The following DMD variants were observed in gnomAD, a reference collection of about 807,000 sequenced individuals.
DMD encodes the protein dystrophin, also known as mutant dystrophin.
In DMD, 63 loss-of-function variants were observed where a neutral mutation model predicts 330.1. The ratio of observed to expected loss-of-function variants is 0.19; its 90% CI spans 0.16 to 0.24. The LOEUF (loss-of-function observed/expected upper bound fraction) is 0.24, where lower values mean the gene tolerates loss of function less well. Among genes scored for constraint, DMD ranks in the 10% least tolerant of loss-of-function variants. DMD has a pLI of 1.00. For missense variants in DMD, 3,344 were observed against 2,684.1 expected (o/e 1.25, Z -5.43); for synonymous variants, 1,223 against 959.8 (o/e 1.27, Z -5.07).
In DMD at chrX:32,468,727, T is replaced by A; in HGVS notation, c.2950-17A>T. On this transcript the variant is annotated splice_polypyrimidine_tract_variant and intron_variant, in intron 22 of 78. Coordinates refer to ENST00000357033, the MANE Select transcript of DMD (RefSeq NM_004006.3). Reference sequence around the variant, plus strand: ...TTGTAAAGCCTAAAAAACAATTTTTTAAATACATTTACCCTAATTGATGAA... The same window carrying A: ...TTGTAAAGCCTAAAAAACAATTTTTAAAATACATTTACCCTAATTGATGAA... The A allele has an allele frequency of 2.6e-6, 3 of 1,150,400 alleles. No individual in the cohort carries two copies. The highest frequency in any genetic ancestry group is 1.8e-5 in the African/African-American group (1 of 56,559). The allele number at this position is 1,150,400 out of a possible 1,213,427, so 94.8% of individuals were successfully genotyped here. A position where few individuals can be genotyped will look rare whatever the true frequency, so the allele number is the denominator to read the frequency against.
chrX:32,184,998 T>C (rs2096940740), intron 44 of DMD, among the ~76,000 whole-genome samples: 1 of 110,334 alleles, frequency 9.1e-6, no homozygotes, highest in Non-Finnish European at 1.9e-5. Flanking sequence ...TTTTAAGAAA[T>C]TTCGAATCAT....
chrX:32,694,782 G>A (rs1046475763), intron 9 of DMD, among the ~76,000 whole-genome samples: 2 of 111,019 alleles, frequency 1.8e-5, no homozygotes, highest in Admixed American at 9.6e-5. Flanking sequence ...TCAGCCTCCC[G>A]AGTAGCTGGG....
chrX:31,558,129 T>C (rs1419017579), intron 55 of DMD, among the ~76,000 whole-genome samples: 1 of 112,167 alleles, frequency 8.9e-6, no homozygotes, highest in African/African-American at 3.2e-5. Flanking sequence ...AAGATAACAT[T>C]AGGGTGGAAT....
At chrX:32,316,661 G>T (rs754919678) in intron 41 of DMD, among the ~76,000 whole-genome samples, 7 of 110,976 alleles carry the variant, frequency 6.3e-5, no homozygotes, top group Non-Finnish European at 9.5e-5. Context: ...AGAAAATTCC[G>T]TGTTATTAAG....
chrX:31,124,878 G>A (rs369157771), intron 78 of DMD, among the ~76,000 whole-genome samples: 11 of 111,688 alleles, frequency 9.8e-5, no homozygotes, highest in African/African-American at 3.6e-4. Context: ...GCATTCAGTT[G>A]TCCAAAGGAA....
At chrX:32,760,543 G>A (rs922636892) in intron 7 of DMD, among the ~76,000 whole-genome samples, 38 of 111,692 alleles carry the variant, frequency 3.4e-4, no homozygotes, top group Non-Finnish European at 4.0e-4. Flanking sequence ...TGAGATTAGA[G>A]ACATTTGTTT....
At chrX:32,125,432 G>A (rs191680476) in intron 44 of DMD, among the ~76,000 whole-genome samples, 204 of 111,805 alleles carry the variant, frequency 1.8e-3, no homozygotes, top group Non-Finnish European at 2.8e-3. Context: ...TATCGGGTTT[G>A]AAGGACAAGG....
chrX:31,229,765 T>A (rs764358940), intron 63 of DMD, among the ~76,000 whole-genome samples: 1 of 112,087 alleles, frequency 8.9e-6, no homozygotes, highest in African/African-American at 3.2e-5. Flanking sequence ...TCTCCCCACA[T>A]ACTCCTATTA....
At chrX:32,645,203 G>T (rs1274553610) in intron 9 of DMD, 51 bp from the exon 10 acceptor site, 1 of 1,136,174 alleles carries the variant, frequency 8.8e-7, no homozygotes, top group African/African-American at 1.8e-5. Flanking sequence ...TTTGCAGATT[G>T]TTCCAGTACA....
At chrX:32,835,303 C>A (rs1415133892) in intron 4 of DMD, among the ~76,000 whole-genome samples, 1 of 111,725 alleles carries the variant, frequency 9.0e-6, no homozygotes, top group African/African-American at 3.2e-5. Context: ...TTTGCTTTAC[C>A]TTCAAAAACT....
At position 32,249,835 on chromosome X, in the gene DMD, G is replaced by A. The variant is rs191201845; in HGVS notation, c.6291-32772C>T. On this transcript the variant is annotated intron_variant, in intron 43 of 78. Coordinates refer to ENST00000357033, the MANE Select transcript of DMD (RefSeq NM_004006.3). ...AAGGAGACCTAAATATTTTGGAATA[G>A]GAGCCAGGATAACCTGTCCTCAGAG... Among the ~76,000 whole-genome samples the A allele has an allele frequency of 3.3e-4, 37 of 111,358 alleles. No homozygotes were observed. In the South Asian group the frequency reaches 8.4e-3, roughly 25 times the overall value.
At chrX:32,214,147 A>T (rs1301255173) in intron 44 of DMD, among the ~76,000 whole-genome samples, 1 of 109,688 alleles carries the variant, frequency 9.1e-6, no homozygotes, top group Non-Finnish European at 1.9e-5. Flanking sequence ...ACATCAAAAT[A>T]GTTTGTTTTG....
Position 32,807,122 on chromosome X carries a change from T to TAAAA in DMD, c.649+2367_649+2370dup, listed in dbSNP as rs999286386. On this transcript the variant is annotated intron_variant, in intron 7 of 78. Transcript: ENST00000357033. ...CAGAACTGAAGGAGACGGAAACATT[T>TAAAA]AAAAAAAAAAAAAAAAAAAAAAAAA... Among the ~76,000 whole-genome samples the TAAAA allele has an allele frequency of 2.3e-3, 48 of 20,733 alleles. 2 individuals are homozygous for TAAAA. Among genetic ancestry groups the TAAAA allele is most frequent in the African/African-American group, 0.01 (46 of 4,532 alleles). 18.0% of individuals were successfully genotyped at this position (20,733 alleles called of 115,157 possible). A position where few individuals can be genotyped will look rare whatever the true frequency, so the allele number is the denominator to read the frequency against.
At chrX:31,476,996 A>C (rs1043470625) in intron 59 of DMD, among the ~76,000 whole-genome samples, 7 of 111,518 alleles carry the variant, frequency 6.3e-5, no homozygotes, top group Non-Finnish European at 1.3e-4. Context: ...TCATTAACTG[A>C]AATAGGAAAC....
chrX:32,832,798 A>G (rs1391803175), intron 4 of DMD, among the ~76,000 whole-genome samples: 1 of 111,639 alleles, frequency 9.0e-6, no homozygotes, highest in Non-Finnish European at 1.9e-5. Flanking sequence ...TCTTTTTCTT[A>G]TTAAATCATA....
intron 44 of DMD, among the ~76,000 whole-genome samples, chrX:32,097,973 C>T (rs1244485140): frequency 9.0e-6 from 1 of 110,670 alleles, no homozygotes; most frequent in Non-Finnish European, 1.9e-5. Flanking sequence ...ACAATGCTAG[C>T]GAGTTTGGGG....
chrX:32,154,047 C>A (rs1402863486), intron 44 of DMD, among the ~76,000 whole-genome samples: 5 of 112,175 alleles, frequency 4.5e-5, no homozygotes, highest in Non-Finnish European at 7.5e-5. Flanking sequence ...GAACATGCCT[C>A]ATTTCCAAAG....
At chrX:31,398,661 G>A (rs1349892826) in intron 60 of DMD, among the ~76,000 whole-genome samples, 5 of 111,679 alleles carry the variant, frequency 4.5e-5, no homozygotes, top group Non-Finnish European at 7.5e-5. Flanking sequence ...TTCTTTTTTA[G>A]AGATGAGATC....
At chrX:32,829,897 C>T (rs1387779730) in intron 4 of DMD, among the ~76,000 whole-genome samples, 1 of 111,709 alleles carries the variant, frequency 9.0e-6, no homozygotes, top group Non-Finnish European at 1.9e-5. Flanking sequence ...CTAGTGAATT[C>T]TCCACAAAAA....
Sources: allele counts gnomAD v4.1 joint callset (sites outside exome capture counted in the v4.1 genomes callset), GRCh38; gene constraint gnomAD v4.1.1; transcripts MANE v1.5; gene names NCBI Gene and HGNC (gene_info 2026-07-23, HGNC 2026-07-21).